The following GAB4 variants were observed in gnomAD, a reference collection of about 807,000 sequenced individuals.
GAB4 encodes the protein GRB2 associated binding protein family member 4, also known as GRB2-associated-binding protein 4.
GAB4 carries 26 observed loss-of-function variants against 51.3 expected under a neutral mutation model. The ratio of observed to expected loss-of-function variants is 0.51; its 90% CI spans 0.37 to 0.70. GAB4 has a LOEUF of 0.70. Ranked by LOEUF, GAB4 falls within the 30% of genes least tolerant of loss-of-function variation. GAB4 has a pLI of 0.00. For missense variants in GAB4, 759 were observed against 734.6 expected, an observed-to-expected ratio of 1.03 and a Z score of -0.38; for synonymous variants, 329 against 291.2, an observed-to-expected ratio of 1.13 and a Z score of -1.32.
Position 16,987,991 on chromosome 22 carries a change from G to A in GAB4, c.655C>T (p.Gln219Ter), listed in dbSNP as rs763795980. The part of the protein sequence containing the change: ...PAPPGCLRSH[Q>*]HASQRAEHAR... ...TGTTCTGCTCTCTGGCTGGCGTGCT[G>A]GTGCGAGCGGAGACACCCCGGAGGT... is the stretch of plus-strand genomic sequence containing the variant. Residue 219 changes from glutamine to a stop codon, truncating the protein, a stop_gained, in exon 3 of 10, where the codon CAG becomes TAG. Transcript: ENST00000400588. LOFTEE classifies it high-confidence loss of function. 8 of 1,608,430 alleles carry A rather than the reference G, an allele frequency of 5.0e-6. No homozygotes were observed. Among genetic ancestry groups the A allele is most frequent in the South Asian group, 2.2e-5 (2 of 89,952 alleles).
At chr22:16,989,721 T>C (rs146381712) in intron 2 of GAB4, among the ~76,000 whole-genome samples, 492 of 152,206 alleles carry the variant, frequency 3.2e-3, no homozygotes, top group African/African-American at 0.011. Context: ...CCAGGGAGGG[T>C]GCAGCCTGGG....
intron 6 of GAB4, 42 bp downstream of exon 6, chr22:16,966,058 G>A: frequency 1.3e-6 from 2 of 1,596,550 alleles, no homozygotes; most frequent in South Asian, 2.2e-5. Context: ...CGAATGCAGA[G>A]TCCCTGGACA....
chr22:16,990,263 T>C (rs116727598), intron 2 of GAB4, among the ~76,000 whole-genome samples: 1 of 152,332 alleles, frequency 6.6e-6, no homozygotes, highest in South Asian at 2.1e-4. Context: ...GTGTTTCAAA[T>C]GGAATTCTAG....
At position 16,970,068 on chromosome 22, in the gene GAB4, T is replaced by C. The variant is rs368805924; in HGVS notation, c.812A>G (p.His271Arg). The stretch of plus-strand genomic sequence containing the variant: ...GTGCTGGCTGGGCTTGGAAAGGCTA[T>C]GGAAGCCATGGATGTGACCGCTGAC... ...DGVSGHIHGF[H>R]SLSKPSQHNA... Residue 271 changes from histidine to arginine, a missense_variant, in exon 4 of 10, where the codon CAT becomes CGT. Transcript: ENST00000400588. The C allele has an allele frequency of 1.1e-5, 17 of 1,614,054 alleles. No homozygotes were observed. Among genetic ancestry groups the C allele is most frequent in the Admixed American group, 1.7e-5 (1 of 60,006 alleles).
chr22:16,967,599 G>A (rs569038355), intron 5 of GAB4: 2 of 152,576 alleles, frequency 1.3e-5, no homozygotes, highest in South Asian at 2.1e-4. Flanking sequence ...GGGCTCACTC[G>A]GGCTCCTGGG....
intron 5 of GAB4, chr22:16,967,146 G>C (rs1424374304): frequency 6.6e-6 from 1 of 152,242 alleles, no homozygotes; most frequent in Non-Finnish European, 1.5e-5. Flanking sequence ...ATCTTTAGTG[G>C]CTGGGTCCAC....
intron 4 of GAB4, chr22:16,969,717 G>A: frequency 3.0e-6 from 2 of 665,542 alleles, no homozygotes; most frequent in South Asian, 3.5e-5. Flanking sequence ...TCTCTGCTGA[G>A]GGCTGCCCCA....
At chr22:16,969,789 G>T in intron 4 of GAB4, 154 bp downstream of exon 4, 1 of 948,250 alleles carries the variant, frequency 1.1e-6, no homozygotes, top group African/African-American at 1.6e-5. Context: ...CCCAGGAGTG[G>T]CCACCACCAT....
At chr22:16,991,704 A>C (rs2060915291) in intron 2 of GAB4, among the ~76,000 whole-genome samples, 169 bp downstream of exon 2, 1 of 152,184 alleles carries the variant, frequency 6.6e-6, no homozygotes, top group Non-Finnish European at 1.5e-5. Context: ...TGGAGGACTG[A>C]GGATGGTAGT....
At chr22:16,989,671 G>T (rs930522560) in intron 2 of GAB4, among the ~76,000 whole-genome samples, 2 of 152,192 alleles carry the variant, frequency 1.3e-5, no homozygotes, top group African/African-American at 4.8e-5. Context: ...ATGCTAGGGG[G>T]CCAAGCAGCC....
chr22:16,976,888 T>C (rs2060783213), intron 3 of GAB4, among the ~76,000 whole-genome samples: 1 of 152,166 alleles, frequency 6.6e-6, no homozygotes, highest in South Asian at 2.1e-4. Flanking sequence ...AGAAAAGAAT[T>C]TTCAACCCAG....
In GAB4 at chr22:16,962,522, C is replaced by T. The variant is rs1403322968; in HGVS notation, c.*211G>A. Reference sequence around the variant, plus strand: ...GAGGGGCAGGAAGAGACTGAGGATGCTTGCTGGCAACTGCTCCTAGCAAGG... The same window carrying T: ...GAGGGGCAGGAAGAGACTGAGGATGTTTGCTGGCAACTGCTCCTAGCAAGG... On this transcript the variant is annotated 3_prime_UTR_variant, in exon 10 of 10. Transcript: ENST00000400588. 4.8e-6 allele frequency: 2 copies of T among 416,604 alleles called. No individual in the cohort carries two copies. Among genetic ancestry groups the T allele is most frequent in the Non-Finnish European group, 8.5e-6 (2 of 235,474 alleles). The allele number at this position is 416,604 out of a possible 1,614,324, so 25.8% of individuals were successfully genotyped here.
intron 3 of GAB4, among the ~76,000 whole-genome samples, chr22:16,975,135 C>T (rs1456519387): frequency 1.3e-5 from 2 of 152,168 alleles, no homozygotes; most frequent in Non-Finnish European, 2.9e-5. Flanking sequence ...ACCCTAGTGG[C>T]GCCTGGAATG....
At chr22:16,995,812 A>C (rs113625994) in intron 1 of GAB4, among the ~76,000 whole-genome samples, 14,141 of 152,208 alleles carry the variant, frequency 0.093, 701 homozygotes, top group African/African-American at 0.11. Flanking sequence ...AAGATCACCA[A>C]CATCAAAGAC....
intron 3 of GAB4, 54 bp downstream of exon 3, chr22:16,987,906 T>C: frequency 7.3e-7 from 1 of 1,368,524 alleles, no homozygotes; most frequent in South Asian, 1.2e-5. Flanking sequence ...AGGGACTGAA[T>C]AGAACAAGAC....
intron 3 of GAB4, among the ~76,000 whole-genome samples, chr22:16,982,563 A>C (rs2060835074): frequency 6.6e-6 from 1 of 152,224 alleles, no homozygotes; most frequent in African/African-American, 2.4e-5. Flanking sequence ...TGCAAAAATT[A>C]ATATTGTTAA....
chr22:16,977,182 A>C (rs576896826), intron 3 of GAB4, among the ~76,000 whole-genome samples: 108 of 152,316 alleles, frequency 7.1e-4, no homozygotes, highest in Non-Finnish European at 1.3e-3. Flanking sequence ...TATTAACCTT[A>C]AATGTAAATG....
intron 8 of GAB4, 86 bp from the exon 9 acceptor site, chr22:16,963,915 G>C: frequency 1.0e-6 from 1 of 992,188 alleles, no homozygotes; most frequent in South Asian, 1.4e-5. Flanking sequence ...GCGTAGCTAC[G>C]AGCCCACTGG....
chr22:16,987,241 C>A (rs1420980143), intron 3 of GAB4, among the ~76,000 whole-genome samples: 3 of 152,332 alleles, frequency 2.0e-5, no homozygotes, highest in Non-Finnish European at 4.4e-5. Flanking sequence ...CAACTGAGCA[C>A]CAGCTCTGGC....
Sources: allele counts gnomAD v4.1 joint callset (sites outside exome capture counted in the v4.1 genomes callset), GRCh38; gene constraint gnomAD v4.1.1; transcripts MANE v1.5; gene names NCBI Gene and HGNC (gene_info 2026-07-23, HGNC 2026-07-21).